The following CRIPTO variants were observed in gnomAD, a reference collection of about 807,000 sequenced individuals.
CRIPTO encodes cripto, EGF-CFC family member.
chr3:46,577,429 T>C, the CRIPTO span: 2 of 154,482 alleles, frequency 1.3e-5, no homozygotes, highest in African/African-American at 4.8e-5. Context: ...AAATATCGAA[T>C]GCCTTGAGAC....
chr3:46,577,335 G>C, the CRIPTO span: 1 of 154,952 alleles, frequency 6.5e-6, no homozygotes, highest in Non-Finnish European at 1.4e-5. Flanking sequence ...TATCCCCCAG[G>C]GGGAGTACGG....
the CRIPTO span, chr3:46,578,004 G>A: frequency 6.2e-7 from 1 of 1,614,172 alleles, no homozygotes; most frequent in Non-Finnish European, 8.5e-7. Context: ...TTCTCTTACA[G>A]GTATGAGCTA....
At chr3:46,581,710 A>C in the CRIPTO span, 1 of 448,964 alleles carries the variant, frequency 2.2e-6, no homozygotes, top group Non-Finnish European at 3.9e-6. Context: ...TGGGGGTTTC[A>C]CCATATTGGC....
At chr3:46,579,293 C>T in the CRIPTO span, 2 of 1,614,196 alleles carry the variant, frequency 1.2e-6, no homozygotes, top group African/African-American at 1.3e-5. Flanking sequence ...GAGATGACAG[C>T]ATTTGGCCCC....
the CRIPTO span, chr3:46,579,967 C>T: frequency 2.5e-6 from 4 of 1,614,214 alleles, no homozygotes; most frequent in African/African-American, 1.3e-5. Flanking sequence ...TGGGTCTGTG[C>T]CCCATGACAC....
the CRIPTO span, chr3:46,577,743 G>C: frequency 1.7e-6 from 1 of 585,636 alleles, no homozygotes; most frequent in African/African-American, 1.9e-5. Context: ...CGGAAAGGCT[G>C]AGTCTCCAGC....
At chr3:46,581,919 G>A in the CRIPTO span, 33 of 154,704 alleles carry the variant, frequency 2.1e-4, no homozygotes, top group Non-Finnish European at 1.4e-5. Context: ...GTGGACCTTA[G>A]AATACAGTTT....
the CRIPTO span, among the ~76,000 whole-genome samples, chr3:46,578,400 A>G: frequency 5.0e-4 from 76 of 151,678 alleles, no homozygotes; most frequent in East Asian, 0.014. Flanking sequence ...TTTTTTACCT[A>G]AAAACCTTTT....
the CRIPTO span, chr3:46,579,377 C>T: frequency 2.0e-5 from 32 of 1,614,002 alleles, no homozygotes; most frequent in Non-Finnish European, 2.6e-5. Flanking sequence ...GTAAGAACTG[C>T]CTGACTTCGA....
At chr3:46,580,998 C>T in the CRIPTO span, 1 of 721,812 alleles carries the variant, frequency 1.4e-6, no homozygotes, top group South Asian at 1.5e-5. Context: ...GGCATCACCA[C>T]TGGGCTAGGT....
chr3:46,579,897 A>G, the CRIPTO span: 1 of 1,614,178 alleles, frequency 6.2e-7, no homozygotes, highest in African/African-American at 1.3e-5. Flanking sequence ...AGGAGAGAGA[A>G]AGGGAAGTGG....
At chr3:46,580,541 TGACTGGTCACAGAACCCTTACC>T in the CRIPTO span, among the ~76,000 whole-genome samples, 1 of 141,982 alleles carries the variant, frequency 7.0e-6, no homozygotes, top group South Asian at 2.8e-4. Context: ...TACCTTACCA[TGACTGGTCACAGAACCCTTACC>T]ATGACTGGTC....
At chr3:46,581,641 C>T in the CRIPTO span, 2 of 538,722 alleles carry the variant, frequency 3.7e-6, no homozygotes, top group Non-Finnish European at 6.5e-6. Flanking sequence ...TCCCAAGTAA[C>T]TGGGATTACA....
At chr3:46,575,305 A>G in the CRIPTO span, among the ~76,000 whole-genome samples, 1 of 152,198 alleles carries the variant, frequency 6.6e-6, no homozygotes, top group East Asian at 1.9e-4. Flanking sequence ...CAGGCCGCCC[A>G]GTAGTAGACA....
chr3:46,579,363 C>A, the CRIPTO span: 1 of 1,613,986 alleles, frequency 6.2e-7, no homozygotes, highest in East Asian at 2.2e-5. Flanking sequence ...GGGGATACAG[C>A]ACAGTAAGAA....
the CRIPTO span, chr3:46,579,108 A>G: frequency 1.9e-6 from 3 of 1,614,160 alleles, no homozygotes; most frequent in South Asian, 1.1e-5. Context: ...GATTTGGATC[A>G]TGGCCATTTC....
At chr3:46,581,194 C>T in the CRIPTO span, 26 of 1,614,202 alleles carry the variant, frequency 1.6e-5, no homozygotes, top group South Asian at 1.4e-4. Context: ...ACCGTCTGCA[C>T]GTACTACCAC....
At chr3:46,579,719 C>A in the CRIPTO span, 10 of 1,611,150 alleles carry the variant, frequency 6.2e-6, no homozygotes, top group Non-Finnish European at 8.5e-6. Context: ...CACCCTCAGT[C>A]ATCTGTTCTT....
chr3:46,579,339 C>T, the CRIPTO span: 26 of 1,613,948 alleles, frequency 1.6e-5, no homozygotes, highest in African/African-American at 2.7e-5. Flanking sequence ...GTCTTCCCAG[C>T]GTGTGCCGCC....
Sources: gnomAD v4.1 joint callset for allele counts (sites outside exome capture counted in the v4.1 genomes callset) on GRCh38, gnomAD v4.1.1 for gene constraint, MANE v1.5 for transcripts, NCBI Gene and HGNC (gene_info 2026-07-23, HGNC 2026-07-21) for gene names.